The following CENPI variants were observed in gnomAD, a reference collection of about 807,000 sequenced individuals.
CENPI encodes FSH primary response 1.
Under a neutral mutation model 60.4 loss-of-function variants are expected in CENPI, and 4 were observed. The observed-to-expected ratio is 0.07, with a 90% confidence interval of 0.03 to 0.15. The LOEUF is 0.15. Among genes scored for constraint, CENPI ranks in the 10% least tolerant of loss-of-function variants. CENPI has a pLI of 1.00. For missense variants in CENPI, 444 were observed against 534.5 expected (o/e 0.83, Z 1.67); for synonymous variants, 157 against 189.4 (o/e 0.83, Z 1.40).
At chrX:101,162,708 C>A (rs2090122140) in intron 21 of CENPI, 125 bp from the exon 22 acceptor site, 5 of 700,609 alleles carry the variant, frequency 7.1e-6, no homozygotes, top group Non-Finnish European at 1.1e-5. Flanking sequence ...GCTCATTTCC[C>A]CCCCGAACTA....
chrX:101,137,246 G>T (rs775396041), intron 15 of CENPI, among the ~76,000 whole-genome samples: 5 of 111,957 alleles, frequency 4.5e-5, no homozygotes, highest in Non-Finnish European at 7.5e-5. Context: ...TTCTTTTGTC[G>T]GAATAGATAA....
At chrX:101,172,863 TATA>T in the CENPI span, among the ~76,000 whole-genome samples, 1 of 111,292 alleles carries the variant, frequency 9.0e-6, no homozygotes, top group Non-Finnish European at 1.9e-5. Context: ...ATCTTAATTG[TATA>T]ATAATACATT....
chrX:101,163,350 T>G lies in CENPI; in HGVS notation c.*383T>G, dbSNP rs2090127379. 6.6e-6 allele frequency: 1 copy of G among 150,406 alleles called. No individual in the cohort carries two copies. The highest frequency in any genetic ancestry group is 3.2e-5 in the African/African-American group (1 of 31,651). 12.4% of individuals were successfully genotyped at this position (150,406 alleles called of 1,213,427 possible). On this transcript the variant is annotated 3_prime_UTR_variant, in exon 22 of 22. Coordinates refer to ENST00000682095, the MANE Select transcript of CENPI (RefSeq NM_001386188.2). ...ACAGACATAAACATGCAAAATACTT[T>G]GCTGTCTCTGGGGATATTGCCATTT...
chrX:101,128,590 A>C (rs929765900), intron 11 of CENPI, 126 bp from the exon 12 acceptor site: 2 of 616,685 alleles, frequency 3.2e-6, no homozygotes, highest in Non-Finnish European at 4.9e-6. Flanking sequence ...TCAGCCTCCC[A>C]AAGTGTTGGG....
At chrX:101,144,865 C>T (rs968725653) in intron 16 of CENPI, among the ~76,000 whole-genome samples, 199 bp from the exon 17 acceptor site, 2 of 111,753 alleles carry the variant, frequency 1.8e-5, no homozygotes. Context: ...TCTATGAATT[C>T]GTCTTAATGG....
intron 16 of CENPI, among the ~76,000 whole-genome samples, chrX:101,143,100 C>G (rs2015622): frequency 0.15 from 15,227 of 103,962 alleles, 1,166 homozygotes; most frequent in Non-Finnish European, 0.21. Context: ...TATAGTTTTG[C>G]AAATAGCCAG....
chrX:101,141,168 C>T (rs111682100), intron 16 of CENPI: 3,975 of 113,649 alleles, frequency 0.035, 215 homozygotes, highest in African/African-American at 0.12. Context: ...TGTTTCTGTG[C>T]TGTATTTTGG....
At chrX:101,142,162 G>A (rs2089920596) in intron 16 of CENPI, among the ~76,000 whole-genome samples, 1 of 111,849 alleles carries the variant, frequency 8.9e-6, no homozygotes, top group Non-Finnish European at 1.9e-5. Flanking sequence ...TAGTAGGTTT[G>A]CATCTATAAT....
intron 16 of CENPI, among the ~76,000 whole-genome samples, chrX:101,143,195 G>A (rs776661503): frequency 3.6e-5 from 4 of 110,826 alleles, no homozygotes; most frequent in African/African-American, 1.3e-4. Flanking sequence ...ATGGTGGTGG[G>A]CAGTAGTAGA....
Position 101,153,166 on chromosome X carries a change from G to A in CENPI, c.2094+5005G>A, listed in dbSNP as rs1944904244. Among the ~76,000 whole-genome samples the A allele has an allele frequency of 1.8e-5, 2 of 110,858 alleles. 1 individual carries two copies. The highest frequency in any genetic ancestry group is 7.6e-4 in the South Asian group (2 of 2,619). On this transcript the variant is annotated intron_variant, in intron 20 of 21. Transcript: ENST00000682095. ...TGGTATTTCATTGTGGTATTGATTT[G>A]CATTTCCATGGTAGCTATTGATGTT...
At chrX:101,127,392 G>A in intron 10 of CENPI, 106 bp from the exon 11 acceptor site, 1 of 954,982 alleles carries the variant, frequency 1.0e-6, no homozygotes, top group Non-Finnish European at 1.4e-6. Flanking sequence ...TTCTGTGTAA[G>A]CCATATTCAG....
chrX:101,161,673 C>T, intron 21 of CENPI, 104 bp downstream of exon 21: 1 of 714,817 alleles, frequency 1.4e-6, no homozygotes, highest in Non-Finnish European at 2.1e-6. Flanking sequence ...CTGCTGCCTC[C>T]ACAAAGTCAA....
chrX:101,174,827 G>T, the CENPI span, among the ~76,000 whole-genome samples: 1 of 111,591 alleles, frequency 9.0e-6, no homozygotes. Context: ...GAAATTTTAG[G>T]CCAGGCCCGG....
intron 4 of CENPI, among the ~76,000 whole-genome samples, chrX:101,106,688 G>A (rs931417215): frequency 9.0e-6 from 1 of 110,703 alleles, no homozygotes; most frequent in Admixed American, 9.8e-5. Flanking sequence ...TACCAGATGG[G>A]AGAACACCAT....
At position 101,146,218 on chromosome X, in the gene CENPI, T is replaced by C. The variant is rs1460729790; in HGVS notation, c.1767T>C (p.Tyr589=). ...LVVLFPPGIF[Y]SALLSLDTSI... ...TATTGTTTCCTCCTGGGATCTTCTA[T>C]TCTGCACTCCTCAGCCTGGATACCA... The change falls in exon 18 of 22, where the codon TAT becomes TAC. Residue 589 remains tyrosine (Y), a synonymous_variant. Coordinates refer to ENST00000682095, the MANE Select transcript of CENPI (RefSeq NM_001386188.2). The C allele has an allele frequency of 8.3e-7, 1 of 1,206,986 alleles. No individual in the cohort carries two copies. Among genetic ancestry groups the C allele is most frequent in the Non-Finnish European group, 1.1e-6 (1 of 891,176 alleles).
chrX:101,148,494 A>T (rs994662596), intron 20 of CENPI, among the ~76,000 whole-genome samples: 2 of 112,044 alleles, frequency 1.8e-5, no homozygotes, highest in African/African-American at 6.5e-5. Flanking sequence ...GTGCCATGTA[A>T]GGAAACGCTT....
Position 101,158,324 on chromosome X carries a change from C to T in CENPI, c.2095-3204C>T, listed in dbSNP as rs2090073475. Among the ~76,000 whole-genome samples, 5 of 90,368 alleles carry T rather than the reference C, an allele frequency of 5.5e-5. No homozygotes were observed. The Admixed American group carries it at 5.7e-4, about 10-fold the overall frequency. 78.5% of individuals were successfully genotyped at this position (90,368 alleles called of 115,157 possible). A position where few individuals can be genotyped will look rare whatever the true frequency, so the allele number is the denominator to read the frequency against. On this transcript the variant is annotated intron_variant, in intron 20 of 21. Coordinates refer to ENST00000682095, the MANE Select transcript of CENPI (RefSeq NM_001386188.2). The stretch of plus-strand genomic sequence containing the variant: ...CAGAGTTTTGCTCTTGTTGCCCAGG[C>T]TGGAGTGCAATGGCGCAATCTCCGC...
chrX:101,163,155 AT>A lies in CENPI; in HGVS notation c.*195del. 2 of 397,270 alleles carry A rather than the reference AT, an allele frequency of 5.0e-6. No homozygotes were observed. Among genetic ancestry groups the A allele is most frequent in the Non-Finnish European group, 8.4e-6 (2 of 239,218 alleles). The allele number at this position is 397,270 out of a possible 1,213,427, so 32.7% of individuals were successfully genotyped here. A position where few individuals can be genotyped will look rare whatever the true frequency, so the allele number is the denominator to read the frequency against. On this transcript the variant is annotated 3_prime_UTR_variant, in exon 22 of 22. Coordinates refer to ENST00000682095, the MANE Select transcript of CENPI (RefSeq NM_001386188.2). ...GCCTAACTGATTTTTCAAAATTTAG[AT>A]TTTTTTAGCCTACCAGTGAAAAATG...
intron 6 of CENPI, among the ~76,000 whole-genome samples, chrX:101,110,424 GAGA>G (rs1344913461): frequency 8.9e-6 from 1 of 111,883 alleles, no homozygotes; most frequent in African/African-American, 3.2e-5. Context: ...CAGAATTAAT[GAGA>G]AGGAGAGGAT....
Sources: gnomAD v4.1 joint callset for allele counts (sites outside exome capture counted in the v4.1 genomes callset) on GRCh38, gnomAD v4.1.1 for gene constraint, MANE v1.5 for transcripts, NCBI Gene and HGNC (gene_info 2026-07-23, HGNC 2026-07-21) for gene names.